Variants in GLT1D1 observed in about 807,000 individuals in gnomAD.
GLT1D1 encodes glycosyltransferase 1 domain containing 1, also known as glycosyltransferase 1 domain-containing protein 1.
In GLT1D1, 21 loss-of-function variants were observed where a neutral mutation model predicts 28.7. The observed-to-expected ratio is 0.73, with a 90% CI of 0.52 to 1.05. The LOEUF is 1.05. Among genes scored for constraint, GLT1D1 ranks in the 50% least tolerant of loss-of-function variants. The probability of loss-of-function intolerance (pLI) is 0.00; values close to 1 mark genes in which losing one functional copy is unlikely to be tolerated. For synonymous variants in GLT1D1, 147 were observed against 124.8 expected (o/e 1.18, Z -1.19); for missense variants, 343 against 330.6 (o/e 1.04, Z -0.29).
At chr12:128,876,168 A>G (rs1171288754) in intron 2 of GLT1D1, 106 bp downstream of exon 2, 1 of 957,626 alleles carries the variant, frequency 1.0e-6, no homozygotes, top group Non-Finnish European at 1.5e-6. Context: ...TATCCAGTTC[A>G]GAAATGGGAG....
chr12:128,911,285 G>A (rs1318347286), intron 4 of GLT1D1, among the ~76,000 whole-genome samples: 1 of 152,212 alleles, frequency 6.6e-6, no homozygotes, highest in African/African-American at 2.4e-5. Flanking sequence ...CAGGCTTGGG[G>A]AGGGCCAGTC....
intron 1 of GLT1D1, among the ~76,000 whole-genome samples, chr12:128,862,328 CAAA>C (rs34391238): frequency 1.1e-5 from 1 of 88,040 alleles, no homozygotes; most frequent in Non-Finnish European, 2.2e-5. Context: ...GACTCTGTCT[CAAA>C]AAAAAAAAAA....
At chr12:128,913,858 A>G (rs1871809571) in intron 4 of GLT1D1, among the ~76,000 whole-genome samples, 1 of 152,178 alleles carries the variant, frequency 6.6e-6, no homozygotes, top group African/African-American at 2.4e-5. Context: ...CTCTTTGAAC[A>G]TCAGTGTCCA....
intron 2 of GLT1D1, among the ~76,000 whole-genome samples, chr12:128,887,131 C>A (rs959876470): frequency 6.6e-6 from 1 of 151,872 alleles, no homozygotes; most frequent in Non-Finnish European, 1.5e-5. Context: ...CATGCCTCAG[C>A]CTTCGGAGTA....
chr12:128,927,005 A>T, intron 4 of GLT1D1, 100 bp from the exon 8 acceptor site: 1 of 709,800 alleles, frequency 1.4e-6, no homozygotes, highest in Non-Finnish European at 2.4e-6. Context: ...GATATGAAAT[A>T]ATTTATGTTA....
chr12:128,952,469 C>CTTTG (rs150827801), intron 6 of GLT1D1, among the ~76,000 whole-genome samples: 1 of 120,676 alleles, frequency 8.3e-6, no homozygotes, highest in African/African-American at 3.3e-5. Context: ...AAATTTCTTT[C>CTTTG]TTTTTTTTTT....
At chr12:128,960,042 A>C (rs1421748784) in intron 7 of GLT1D1, among the ~76,000 whole-genome samples, 1 of 152,116 alleles carries the variant, frequency 6.6e-6, no homozygotes, top group Non-Finnish European at 1.5e-5. Flanking sequence ...TCTGCAAATC[A>C]TTATCGTGCC....
intron 3 of GLT1D1, among the ~76,000 whole-genome samples, chr12:128,893,043 G>C (rs1004701532): frequency 6.6e-6 from 1 of 152,056 alleles, no homozygotes; most frequent in Non-Finnish European, 1.5e-5. Context: ...TCAGGAGTTT[G>C]AGACCAGCCT....
At chr12:128,909,531 T>C (rs894850106) in intron 4 of GLT1D1, among the ~76,000 whole-genome samples, 7 of 152,216 alleles carry the variant, frequency 4.6e-5, no homozygotes, top group African/African-American at 1.4e-4. Context: ...CAGTCTGAAG[T>C]TGTATTATAA....
chr12:128,977,399 T>C (rs1202055661), intron 7 of GLT1D1, among the ~76,000 whole-genome samples: 1 of 152,192 alleles, frequency 6.6e-6, no homozygotes, highest in Admixed American at 6.5e-5. Context: ...TGAGCCAGCG[T>C]TGGCACACCT....
In GLT1D1 at chr12:128,914,927, AC is replaced by A; in HGVS notation, c.375+15643del. On this transcript the variant is annotated intron_variant, in intron 4 of 7. Transcript: ENST00000281703. ...AACTTGCCCTTTTTTTGTTTCTTTG[AC>A]CCAGGAATTGCAACAACACCAAACG... is the stretch of plus-strand genomic sequence containing the variant. The A allele has an allele frequency of 6.5e-7, 1 of 1,535,700 alleles. No individual in the cohort carries two copies. The highest frequency in any genetic ancestry group is 1.4e-5 in the African/African-American group (1 of 73,134).
chr12:128,964,002 G>GCAAGTCCAAGATGGGCA (rs1878215533), intron 7 of GLT1D1, among the ~76,000 whole-genome samples: 1 of 152,234 alleles, frequency 6.6e-6, no homozygotes, highest in South Asian at 2.1e-4. Context: ...CCTAGAGGCT[G>GCAAGTCCAAGATGGGCA]CAAGTCCAAG....
At chr12:128,854,394 C>CGTGTGTGTGTGTGTGT (rs56655033) in intron 1 of GLT1D1, among the ~76,000 whole-genome samples, 4 of 143,872 alleles carry the variant, frequency 2.8e-5, no homozygotes, top group Admixed American at 6.9e-5. Context: ...TAACAGAAGC[C>CGTGTGTGTGTGTGTGT]GTGTGTGTGT....
chr12:128,957,469 C>G (rs1456306819), intron 6 of GLT1D1, 76 bp from the exon 11 acceptor site: 3 of 953,786 alleles, frequency 3.1e-6, no homozygotes, highest in Non-Finnish European at 3.4e-6. Context: ...AGTTATTCTG[C>G]CCCGCCCTGA....
At chr12:128,874,098 T>TTCTTTCTCTC in intron 1 of GLT1D1, among the ~76,000 whole-genome samples, 1 of 33,054 alleles carries the variant, frequency 3.0e-5, no homozygotes, top group East Asian at 8.7e-4. Context: ...CTTTCTTTCT[T>TTCTTTCTCTC]TCTCTCTCTC....
At position 128,853,633 on chromosome 12, in the gene GLT1D1, A is replaced by G. The variant is rs1956126370; in HGVS notation, c.52A>G (p.Thr18Ala). The G allele has an allele frequency of 1.7e-6, 2 of 1,176,378 alleles. No homozygotes were observed. Among genetic ancestry groups the G allele is most frequent in the East Asian group, 1.2e-4 (2 of 17,322 alleles). The allele number at this position is 1,176,378 out of a possible 1,614,324, so 72.9% of individuals were successfully genotyped here. A position where few individuals can be genotyped will look rare whatever the true frequency, so the allele number is the denominator to read the frequency against. ...GCGGCCACACACCGGCAACGCGGTC[A>G]CGGCCCAGCGCGTTCGGTAGGTGCA... Residue 18 changes from threonine (T) to alanine (A), a missense_variant, in exon 1 of 8, where the codon ACG (threonine) becomes GCG (alanine). By Grantham distance (58) the Thr-to-Ala change is moderately conservative. Coordinates refer to ENST00000281703, the MANE Select transcript of GLT1D1 (RefSeq NM_144669.3).
intron 2 of GLT1D1, among the ~76,000 whole-genome samples, chr12:128,886,181 A>G (rs893825746): frequency 6.6e-6 from 1 of 152,324 alleles, no homozygotes; most frequent in East Asian, 1.9e-4. Context: ...CTGTGAGTCC[A>G]TTAAACCTCT....
intron 2 of GLT1D1, among the ~76,000 whole-genome samples, chr12:128,885,524 C>T (rs1957156341): frequency 6.6e-6 from 1 of 152,216 alleles, no homozygotes; most frequent in African/African-American, 2.4e-5. Flanking sequence ...TGCCTGGCCC[C>T]TCTCTTAGCA....
intron 7 of GLT1D1, among the ~76,000 whole-genome samples, chr12:128,980,417 G>A (rs1001105097): frequency 6.6e-6 from 1 of 152,242 alleles, no homozygotes; most frequent in Non-Finnish European, 1.5e-5. Context: ...ATACATCACT[G>A]TGTAACTAAG....
Sources: allele counts gnomAD v4.1 joint callset (sites outside exome capture counted in the v4.1 genomes callset), GRCh38; gene constraint gnomAD v4.1.1; transcripts MANE v1.5; gene names NCBI Gene and HGNC (gene_info 2026-07-23, HGNC 2026-07-21).